The following DNAJC10 variants were observed in gnomAD, a reference collection of about 807,000 sequenced individuals.
DNAJC10 encodes the protein endoplasmic reticulum disulfide reductase DNAJC10.
DNAJC10 carries 101 observed loss-of-function variants against 115.0 expected under a neutral mutation model. The ratio of observed to expected loss-of-function variants is 0.88; its 90% CI spans 0.75 to 1.04. The LOEUF is 1.04. Ranked by LOEUF, DNAJC10 falls within the 50% of genes least tolerant of loss-of-function variation. The pLI is 0.00. For synonymous variants in DNAJC10, 307 were observed against 301.5 expected, an observed-to-expected ratio of 1.02 and a Z score of -0.19; for missense variants, 981 against 928.8, an observed-to-expected ratio of 1.06 and a Z score of -0.73.
chr2:182,739,208 TTA>T (rs1203668976), intron 11 of DNAJC10, among the ~76,000 whole-genome samples: 1 of 144,572 alleles, frequency 6.9e-6, no homozygotes, highest in Non-Finnish European at 1.5e-5. Flanking sequence ...TTATATATAT[TTA>T]TATATATAAT....
chr2:182,750,382 C>T (rs536713996), intron 14 of DNAJC10, among the ~76,000 whole-genome samples: 1 of 152,196 alleles, frequency 6.6e-6, no homozygotes, highest in Admixed American at 6.5e-5. Context: ...TATTATGATA[C>T]AGGGCAGAGA....
At chr2:182,764,817 A>G (rs565614765) in intron 22 of DNAJC10, among the ~76,000 whole-genome samples, 1 of 152,294 alleles carries the variant, frequency 6.6e-6, no homozygotes, top group South Asian at 2.1e-4. Context: ...GGGTATGAGC[A>G]TGGCTTAAAG....
rs1156333350 is a variant in DNAJC10, at chr2:182,790,449, T to TA, written c.*13321dup. 6.6e-6 allele frequency: 1 copy of TA among 152,140 alleles called. No individual in the cohort carries two copies. The highest frequency in any genetic ancestry group is 1.5e-5 in the Non-Finnish European group (1 of 68,024). The allele number at this position is 152,140 out of a possible 1,614,324, so 9.4% of individuals were successfully genotyped here. A position where few individuals can be genotyped will look rare whatever the true frequency, so the allele number is the denominator to read the frequency against. On this transcript the variant is annotated 3_prime_UTR_variant, in exon 24 of 24. Coordinates refer to ENST00000264065, the MANE Select transcript of DNAJC10 (RefSeq NM_018981.4). ...AACCTGCTATATAAAATGTCAGATG[T>TA]AAAAGCGAATATCTAATGAAGCACC...
chr2:182,759,018 A>C, intron 20 of DNAJC10, 128 bp downstream of exon 20: 1 of 1,027,998 alleles, frequency 9.7e-7, no homozygotes, highest in Non-Finnish European at 1.4e-6. Flanking sequence ...AAAGTATTAT[A>C]TTAACCAAGA....
chr2:182,722,529 C>G (rs750350269), intron 5 of DNAJC10, among the ~76,000 whole-genome samples: 8 of 140,998 alleles, frequency 5.7e-5, no homozygotes, highest in East Asian at 2.0e-4. Flanking sequence ...GATTCTTATA[C>G]TTTCATCCTT....
In DNAJC10 at chr2:182,780,021, C is replaced by A. The variant is rs927529220; in HGVS notation, c.*2889C>A. The A allele has an allele frequency of 6.6e-6, 1 of 152,042 alleles. No homozygotes were observed. The highest frequency in any genetic ancestry group is 1.5e-5 in the Non-Finnish European group (1 of 68,000). 9.4% of individuals were successfully genotyped at this position (152,042 alleles called of 1,614,324 possible). On this transcript the variant is annotated 3_prime_UTR_variant, in exon 24 of 24. Coordinates refer to ENST00000264065, the MANE Select transcript of DNAJC10 (RefSeq NM_018981.4). ...AAGAAATAATAAAAGATTAAATTAACAAAATGCATTTTAAATTTTTATGAT... is the reference window on the plus strand; with the variant it reads ...AAGAAATAATAAAAGATTAAATTAAAAAAATGCATTTTAAATTTTTATGAT...
At position 182,729,013 on chromosome 2, in the gene DNAJC10, A is replaced by G; in HGVS notation, c.633+19A>G. 1 of 1,611,532 alleles carries G rather than the reference A, an allele frequency of 6.2e-7. No individual in the cohort carries two copies. The highest frequency in any genetic ancestry group is 8.5e-7 in the Non-Finnish European group (1 of 1,178,500). ...TGGAATGGTAAGGGATAAAGTTAGC[A>G]TTTTTTAAATTTGTGAAACATTATG... On this transcript the variant is annotated intron_variant, in intron 7 of 23. Transcript: ENST00000264065.
rs1340573262 is a variant in DNAJC10, at chr2:182,777,717, G to A, written c.*585G>A. On this transcript the variant is annotated 3_prime_UTR_variant, in exon 24 of 24. Coordinates refer to ENST00000264065, the MANE Select transcript of DNAJC10 (RefSeq NM_018981.4). ...TCGTTTTAAAAACACCCATGATGTG[G>A]CACAGTAAACAAACCCTGTTATGCT... The A allele has an allele frequency of 6.6e-6, 1 of 152,104 alleles. No individual in the cohort carries two copies. Among genetic ancestry groups the A allele is most frequent in the African/African-American group, 2.4e-5 (1 of 41,410 alleles). 9.4% of individuals were successfully genotyped at this position (152,104 alleles called of 1,614,324 possible).
chr2:182,793,091 G>A lies in DNAJC10; in HGVS notation c.*15959G>A, dbSNP rs1175635558. 1 of 152,358 alleles carries A rather than the reference G, an allele frequency of 6.6e-6. No individual in the cohort carries two copies. The highest frequency in any genetic ancestry group is 1.5e-5 in the Non-Finnish European group (1 of 68,276). 9.4% of individuals were successfully genotyped at this position (152,358 alleles called of 1,614,324 possible). On this transcript the variant is annotated 3_prime_UTR_variant, in exon 24 of 24. Coordinates refer to ENST00000264065, the MANE Select transcript of DNAJC10 (RefSeq NM_018981.4). ...TCTTGGAGAAGATGCCATTGAAGGA[G>A]GTGGAAAAAATGTAGCCACTAAATG...
Position 182,782,123 on chromosome 2 carries a change from T to G in DNAJC10, c.*4991T>G, listed in dbSNP as rs750255118. 1 of 152,216 alleles carries G rather than the reference T, an allele frequency of 6.6e-6. No homozygotes were observed. Among genetic ancestry groups the G allele is most frequent in the Non-Finnish European group, 1.5e-5 (1 of 68,044 alleles). The allele number at this position is 152,216 out of a possible 1,614,324, so 9.4% of individuals were successfully genotyped here. On this transcript the variant is annotated 3_prime_UTR_variant, in exon 24 of 24. Coordinates refer to ENST00000264065, the MANE Select transcript of DNAJC10 (RefSeq NM_018981.4). ...TTAATCTATCAACTTAATTTTTATA[T>G]AAGGTGTAAGGAAGGGGTCCCAGTT...
intron 10 of DNAJC10, among the ~76,000 whole-genome samples, chr2:182,733,129 T>A (rs1693493891): frequency 1.3e-5 from 2 of 152,172 alleles, no homozygotes; most frequent in South Asian, 2.1e-4. Flanking sequence ...CTATAATTTC[T>A]AAGAGGGATG....
intron 14 of DNAJC10, among the ~76,000 whole-genome samples, chr2:182,748,235 C>G (rs549601820): frequency 5.5e-4 from 84 of 151,698 alleles, no homozygotes; most frequent in Non-Finnish European, 9.3e-4. Flanking sequence ...CAGGATGATG[C>G]TGGCCTCATA....
At chr2:182,720,500 A>G (rs1693123761) in intron 4 of DNAJC10, among the ~76,000 whole-genome samples, 2 of 152,162 alleles carry the variant, frequency 1.3e-5, no homozygotes, top group East Asian at 3.8e-4. Context: ...ATAATACCAT[A>G]TTTTTACTGT....
At chr2:182,759,024 C>A in intron 20 of DNAJC10, 134 bp downstream of exon 20, 2 of 1,015,530 alleles carry the variant, frequency 2.0e-6, no homozygotes, top group East Asian at 2.6e-5. Context: ...TTATATTAAC[C>A]AAGATAGTAC....
intron 21 of DNAJC10, among the ~76,000 whole-genome samples, chr2:182,762,249 A>C (rs1425800426): frequency 6.6e-6 from 1 of 152,068 alleles, no homozygotes; most frequent in Non-Finnish European, 1.5e-5. Flanking sequence ...ATACATCTTC[A>C]CTGGAGAATA....
In DNAJC10 at chr2:182,779,565, C is replaced by A. The variant is rs1694794588; in HGVS notation, c.*2433C>A. On this transcript the variant is annotated 3_prime_UTR_variant, in exon 24 of 24. Transcript: ENST00000264065. ...TTTGAATCCAGCCTGGGCAACATAG[C>A]AAGACCCCATCTCTAATAAATAAAT... is the stretch of plus-strand genomic sequence containing the variant. 6.6e-6 allele frequency: 1 copy of A among 152,138 alleles called. No homozygotes were observed. The highest frequency in any genetic ancestry group is 2.1e-4 in the South Asian group (1 of 4,824). 9.4% of individuals were successfully genotyped at this position (152,138 alleles called of 1,614,324 possible). A position where few individuals can be genotyped will look rare whatever the true frequency, so the allele number is the denominator to read the frequency against.
intron 21 of DNAJC10, among the ~76,000 whole-genome samples, chr2:182,761,344 T>C (rs1341066664): frequency 6.6e-6 from 1 of 152,156 alleles, no homozygotes; most frequent in Non-Finnish European, 1.5e-5. Context: ...GTAAATGACA[T>C]AGACACTTAC....
At chr2:182,748,961 C>T (rs373423251) in intron 14 of DNAJC10, among the ~76,000 whole-genome samples, 19,037 of 151,034 alleles carry the variant, frequency 0.13, 1,388 homozygotes, top group Middle Eastern at 0.18. Context: ...TGTAGTTGAG[C>T]GGTTTTGAGT....
At chr2:182,718,718 T>G (rs890687588) in intron 3 of DNAJC10, among the ~76,000 whole-genome samples, 1 of 152,226 alleles carries the variant, frequency 6.6e-6, no homozygotes, top group African/African-American at 2.4e-5. Context: ...TTGACTGTTT[T>G]CTTCTGTGTA....
Sources: allele counts gnomAD v4.1 joint callset (sites outside exome capture counted in the v4.1 genomes callset), GRCh38; gene constraint gnomAD v4.1.1; transcripts MANE v1.5; gene names NCBI Gene and HGNC (gene_info 2026-07-23, HGNC 2026-07-21).